Variants in AKT3 observed in about 807,000 individuals in gnomAD.
AKT3 encodes the protein RAC-gamma serine/threonine-protein kinase.
A neutral mutation model predicts 65.3 loss-of-function variants in AKT3; 15 were observed. The ratio of observed to expected loss-of-function variants is 0.23; its 90% CI spans 0.15 to 0.35. AKT3 has a LOEUF of 0.35. Ranked by LOEUF, AKT3 falls within the 10% of genes least tolerant of loss-of-function variation. The probability of loss-of-function intolerance (pLI) is 1.00; values close to 1 mark genes in which losing one functional copy is unlikely to be tolerated. For synonymous variants in AKT3, 206 were observed against 183.8 expected (o/e 1.12, Z -0.98); for missense variants, 243 against 576.5 (o/e 0.42, Z 5.92).
chr1:243,615,211 A>C (rs1402990656), intron 6 of AKT3, 50 bp from the exon 7 acceptor site: 1 of 1,356,924 alleles, frequency 7.4e-7, no homozygotes, highest in South Asian at 1.3e-5. Context: ...AGCACTGATA[A>C]TAATAATTTC....
At chr1:243,564,713 CT>C (rs1366104353) in intron 9 of AKT3, among the ~76,000 whole-genome samples, 4 of 152,084 alleles carry the variant, frequency 2.6e-5, no homozygotes, top group African/African-American at 9.7e-5. Flanking sequence ...ATCATACAGC[CT>C]TATGTATTCA....
intron 10 of AKT3, among the ~76,000 whole-genome samples, chr1:243,555,560 A>T (rs886829173): frequency 6.6e-6 from 1 of 152,156 alleles, no homozygotes; most frequent in Non-Finnish European, 1.5e-5. Flanking sequence ...AATACATAAC[A>T]TATAAAATTT....
intron 2 of AKT3, among the ~76,000 whole-genome samples, chr1:243,807,809 C>T (rs1277931458): frequency 1.3e-5 from 2 of 152,130 alleles, no homozygotes; most frequent in South Asian, 2.1e-4. Context: ...ACACCTCACA[C>T]GGCCGGGCAC....
At chr1:243,666,848 T>C (rs971721572) in intron 3 of AKT3, among the ~76,000 whole-genome samples, 9 of 152,158 alleles carry the variant, frequency 5.9e-5, no homozygotes, top group African/African-American at 1.7e-4. Context: ...TAGTAAAGTA[T>C]TGAATATTAC....
chr1:243,730,999 G>A (rs553809112), intron 2 of AKT3, among the ~76,000 whole-genome samples: 90 of 152,266 alleles, frequency 5.9e-4, no homozygotes, highest in African/African-American at 2.0e-3. Flanking sequence ...CGTGGGATCC[G>A]GGTTGGGCGA....
chr1:243,572,783 G>A (rs1026500094), intron 9 of AKT3, 143 bp downstream of exon 9: 3 of 885,192 alleles, frequency 3.4e-6, no homozygotes, highest in African/African-American at 3.4e-5. Flanking sequence ...TCCTTCAAAT[G>A]TAGTGAACTA....
chr1:243,492,141 CACA>C (rs1268710283), intron 13 of AKT3, among the ~76,000 whole-genome samples: 1 of 151,828 alleles, frequency 6.6e-6, no homozygotes, highest in Non-Finnish European at 1.5e-5. Flanking sequence ...CTGAAACACT[CACA>C]ACAACATGGC....
intron 2 of AKT3, among the ~76,000 whole-genome samples, chr1:243,697,922 T>A (rs1250314077): frequency 4.6e-5 from 7 of 151,732 alleles, no homozygotes; most frequent in Non-Finnish European, 8.8e-5. Context: ...AGAGGATACG[T>A]AGATCAGTAT....
At chr1:243,528,685 T>C (rs778426442) in intron 12 of AKT3, among the ~76,000 whole-genome samples, 2 of 152,226 alleles carry the variant, frequency 1.3e-5, no homozygotes, top group Admixed American at 6.5e-5. Flanking sequence ...TAGTATTCCA[T>C]GGTGTATCTG....
intron 2 of AKT3, among the ~76,000 whole-genome samples, chr1:243,803,617 G>C (rs576315979): frequency 6.8e-6 from 1 of 146,710 alleles, no homozygotes; most frequent in Non-Finnish European, 1.5e-5. Flanking sequence ...TTGACAACTT[G>C]GTTTGTTACA....
intron 2 of AKT3, among the ~76,000 whole-genome samples, chr1:243,750,697 T>TGAACC (rs1688759449): frequency 6.6e-6 from 1 of 151,966 alleles, no homozygotes; most frequent in Admixed American, 6.6e-5. Context: ...TTCTCCTGCT[T>TGAACC]CAGCTTCTCG....
At chr1:243,618,923 A>C (rs1476116268) in intron 6 of AKT3, among the ~76,000 whole-genome samples, 1 of 152,114 alleles carries the variant, frequency 6.6e-6, no homozygotes, top group Non-Finnish European at 1.5e-5. Flanking sequence ...AATGATCAAG[A>C]ACACCATGAG....
At chr1:243,843,583 A>C in intron 1 of AKT3, 1 of 1,012,218 alleles carries the variant, frequency 9.9e-7, no homozygotes, top group South Asian at 4.6e-5. Context: ...TGTGTATTTG[A>C]GGTGAAGAGG....
At chr1:243,785,035 T>C (rs1691164007) in intron 2 of AKT3, among the ~76,000 whole-genome samples, 1 of 151,682 alleles carries the variant, frequency 6.6e-6, no homozygotes, top group Non-Finnish European at 1.5e-5. Context: ...GTAGCTGGGA[T>C]TACAGGTACA....
intron 2 of AKT3, among the ~76,000 whole-genome samples, chr1:243,737,933 T>C (rs1274369973): frequency 6.6e-6 from 1 of 152,166 alleles, no homozygotes; most frequent in Non-Finnish European, 1.5e-5. Flanking sequence ...ACAAATTAAC[T>C]GTTCATTTTA....
chr1:243,760,719 A>T (rs1419633423), intron 2 of AKT3, among the ~76,000 whole-genome samples: 2 of 152,152 alleles, frequency 1.3e-5, no homozygotes, highest in Non-Finnish European at 2.9e-5. Flanking sequence ...CATGTTTTTC[A>T]CATTTTTGTG....
At chr1:243,669,199 T>C (rs556641603) in intron 3 of AKT3, among the ~76,000 whole-genome samples, 2 of 152,184 alleles carry the variant, frequency 1.3e-5, no homozygotes, top group Non-Finnish European at 2.9e-5. Context: ...TCACTAGCTA[T>C]ATTACTTAAA....
At chr1:243,838,171 G>GA (rs1695015514) in intron 2 of AKT3, among the ~76,000 whole-genome samples, 3 of 152,214 alleles carry the variant, frequency 2.0e-5, no homozygotes, top group Middle Eastern at 3.4e-3. Flanking sequence ...TCTATTGGTT[G>GA]AAACTTTCAA....
chr1:243,749,904 A>G (rs1375778475), intron 2 of AKT3, among the ~76,000 whole-genome samples: 1 of 152,206 alleles, frequency 6.6e-6, no homozygotes. Flanking sequence ...GCCTCTTTAC[A>G]GGCCTTGTTG....
Sources: gnomAD v4.1 joint callset for allele counts (sites outside exome capture counted in the v4.1 genomes callset) on GRCh38, gnomAD v4.1.1 for gene constraint, MANE v1.5 for transcripts, NCBI Gene and HGNC (gene_info 2026-07-23, HGNC 2026-07-21) for gene names.